The following GRIA3 variants were observed in gnomAD, a reference collection of about 807,000 sequenced individuals.
GRIA3 encodes the protein glutamate ionotropic receptor AMPA type subunit 3.
Under a neutral mutation model 63.0 loss-of-function variants are expected in GRIA3, and 3 were observed. The ratio of observed to expected loss-of-function variants is 0.05; its 90% CI spans 0.02 to 0.12. GRIA3 has a LOEUF of 0.12. Among genes scored for constraint, GRIA3 ranks in the 10% least tolerant of loss-of-function variants. The probability of loss-of-function intolerance (pLI) is 1.00; values close to 1 mark genes in which losing one functional copy is unlikely to be tolerated. For synonymous variants in GRIA3, 274 were observed against 257.9 expected (o/e 1.06, Z -0.60); for missense variants, 347 against 700.9 (o/e 0.50, Z 5.70).
intron 4 of GRIA3, among the ~76,000 whole-genome samples, chrX:123,345,439 AACACACACACACACACACACACACAC>A (rs59142587): frequency 4.6e-5 from 3 of 65,905 alleles, no homozygotes; most frequent in African/African-American, 6.6e-5. Context: ...CCCCCTTCAC[AACACACACACACACACACACACACAC>A]ACACACACAC....
intron 5 of GRIA3, among the ~76,000 whole-genome samples, chrX:123,394,127 C>T (rs965566644): frequency 8.9e-6 from 1 of 111,838 alleles, no homozygotes; most frequent in East Asian, 2.8e-4. Flanking sequence ...TTTGGGAGGC[C>T]GAGGCAGGCA....
At chrX:123,319,443 A>G (rs773229539) in intron 3 of GRIA3, among the ~76,000 whole-genome samples, 6 of 112,550 alleles carry the variant, frequency 5.3e-5, no homozygotes, top group Non-Finnish European at 9.4e-5. Context: ...GTCTATTTAT[A>G]TAAAACAGAA....
chrX:123,339,259 G>A (rs181578340), intron 4 of GRIA3, among the ~76,000 whole-genome samples: 2 of 112,195 alleles, frequency 1.8e-5, no homozygotes, highest in Admixed American at 1.9e-4. Context: ...AGGAACAAGT[G>A]AGTGGTTTTA....
At chrX:123,416,726 T>C (rs1477916527) in intron 10 of GRIA3, among the ~76,000 whole-genome samples, 1 of 113,143 alleles carries the variant, frequency 8.8e-6, no homozygotes, top group African/African-American at 3.2e-5. Context: ...CAGGCAAAAT[T>C]CTTTCATGTT....
chrX:123,237,748 G>A (rs144891230), intron 2 of GRIA3, among the ~76,000 whole-genome samples: 14 of 112,271 alleles, frequency 1.2e-4, no homozygotes, highest in African/African-American at 4.5e-4. Flanking sequence ...TGCTAGAGGG[G>A]CTACTTATTC....
intron 3 of GRIA3, among the ~76,000 whole-genome samples, chrX:123,275,360 A>G (rs1270923722): frequency 8.9e-6 from 1 of 112,063 alleles, no homozygotes; most frequent in African/African-American, 3.2e-5. Context: ...ATGATGAAGC[A>G]GAAAATCAAA....
At chrX:123,452,348 T>G (rs764076748) in intron 12 of GRIA3, among the ~76,000 whole-genome samples, 7 of 106,135 alleles carry the variant, frequency 6.6e-5, no homozygotes, top group African/African-American at 2.5e-4. Context: ...TTTAGGAAAC[T>G]AACACTCCCC....
rs184489893 is a variant in GRIA3, at chrX:123,471,901, T to C, written c.2324+6789T>C. On this transcript the variant is annotated intron_variant, in intron 13 of 15. Transcript: ENST00000620443. ...CATTGATCAGAAGTGGCAAAAGTGT[T>C]GTCCAAGTGCTGGATTCACCTTTTT... is the stretch of plus-strand genomic sequence containing the variant. 2.5e-4 allele frequency among the ~76,000 whole-genome samples: 25 copies of C among 100,287 alleles called. No homozygotes were observed. In the East Asian group the frequency reaches 7.5e-3, roughly 30 times the overall value. 87.1% of individuals were successfully genotyped at this position (100,287 alleles called of 115,157 possible).
At chrX:123,344,603 A>C (rs1257295953) in intron 4 of GRIA3, among the ~76,000 whole-genome samples, 4 of 111,489 alleles carry the variant, frequency 3.6e-5, no homozygotes, top group Non-Finnish European at 7.5e-5. Flanking sequence ...TCATAGAATC[A>C]CTTCCAATTA....
At chrX:123,453,708 T>C (rs1343952983) in intron 12 of GRIA3, among the ~76,000 whole-genome samples, 1 of 110,640 alleles carries the variant, frequency 9.0e-6, no homozygotes, top group African/African-American at 3.3e-5. Flanking sequence ...CCTTTAGCTG[T>C]GGTTTGATCC....
chrX:123,413,563 A>C (rs1176192684), intron 10 of GRIA3, among the ~76,000 whole-genome samples: 4 of 99,540 alleles, frequency 4.0e-5, no homozygotes, highest in Admixed American at 1.1e-4. Flanking sequence ...AAAAAAAAAA[A>C]AAAAAAACAC....
intron 2 of GRIA3, among the ~76,000 whole-genome samples, chrX:123,198,667 T>C (rs1168744454): frequency 9.0e-6 from 1 of 111,508 alleles, no homozygotes; most frequent in African/African-American, 3.3e-5. Context: ...AAGAATTTGC[T>C]TGATACCTCA....
chrX:123,392,666 G>T (rs1316981774), intron 5 of GRIA3, among the ~76,000 whole-genome samples: 1 of 111,796 alleles, frequency 8.9e-6, no homozygotes, highest in Non-Finnish European at 1.9e-5. Flanking sequence ...AGCCAAGCAG[G>T]CTACCTTACT....
chrX:123,190,318 C>T (rs972562633), intron 2 of GRIA3, among the ~76,000 whole-genome samples: 3 of 111,604 alleles, frequency 2.7e-5, no homozygotes, highest in African/African-American at 9.8e-5. Context: ...TCAGTAAGCA[C>T]GCCGGCTTAG....
intron 2 of GRIA3, among the ~76,000 whole-genome samples, chrX:123,199,702 G>A (rs1226085672): frequency 9.0e-6 from 1 of 111,659 alleles, no homozygotes; most frequent in East Asian, 2.8e-4. Flanking sequence ...GTTTTAAGTA[G>A]GTGGCAGAGA....
intron 5 of GRIA3, among the ~76,000 whole-genome samples, chrX:123,384,485 C>T (rs751606210): frequency 7.2e-5 from 8 of 111,460 alleles, no homozygotes; most frequent in African/African-American, 2.6e-4. Context: ...ATTAGCCGGG[C>T]GTGGTGACAC....
intron 2 of GRIA3, among the ~76,000 whole-genome samples, chrX:123,229,087 G>A (rs2044263333): frequency 9.0e-6 from 1 of 111,316 alleles, no homozygotes; most frequent in Non-Finnish European, 1.9e-5. Flanking sequence ...TGGGTAGCAG[G>A]AATTGGCAGT....
In GRIA3 at chrX:123,463,664, GAA is replaced by G. The variant is rs1247652284; in HGVS notation, c.2077-1199_2077-1198del. ...AGAAAGAAAGAAAGAAAGAAAGAAA[GAA>G]AGAAAGAAAGAAAGAAAGAGAGAGA... On this transcript the variant is annotated intron_variant, in intron 12 of 15. Coordinates refer to ENST00000620443, the MANE Select transcript of GRIA3 (RefSeq NM_007325.5). 5.4e-3 allele frequency among the ~76,000 whole-genome samples: 280 copies of G among 52,021 alleles called. 32 individuals are homozygous for G. The highest frequency in any genetic ancestry group is 0.019 in the African/African-American group (188 of 10,033). 45.2% of individuals were successfully genotyped at this position (52,021 alleles called of 115,157 possible).
chrX:123,465,614 C>T (rs1189020661), intron 13 of GRIA3: 3 of 912,133 alleles, frequency 3.3e-6, no homozygotes, highest in Non-Finnish European at 4.8e-6. Flanking sequence ...CCTTTTTATA[C>T]GTTAACGATT....
Sources: allele counts gnomAD v4.1 joint callset (sites outside exome capture counted in the v4.1 genomes callset), GRCh38; gene constraint gnomAD v4.1.1; transcripts MANE v1.5; gene names NCBI Gene and HGNC (gene_info 2026-07-23, HGNC 2026-07-21).